ATP13A4: variants seen among roughly 807,000 people sequenced by gnomAD.
ATP13A4 encodes probable cation-transporting ATPase 13A4.
A neutral mutation model predicts 142.5 loss-of-function variants in ATP13A4; 114 were observed. The ratio of observed to expected loss-of-function variants is 0.80; its 90% CI spans 0.69 to 0.93. The LOEUF (loss-of-function observed/expected upper bound fraction) is 0.93. Among genes scored for constraint, ATP13A4 ranks in the 40% least tolerant of loss-of-function variants. The probability of loss-of-function intolerance (pLI) is 0.00; values close to 1 mark genes in which losing one functional copy is unlikely to be tolerated. For missense variants in ATP13A4, 1,392 were observed against 1,454.0 expected, an observed-to-expected ratio of 0.96 and a Z score of 0.69; for synonymous variants, 488 against 514.8, an observed-to-expected ratio of 0.95 and a Z score of 0.70.
rs1576924842 is a variant in ATP13A4 at position 193,400,339 on chromosome 3, C to T, written c.*2313G>A. 6.6e-6 allele frequency among the ~76,000 whole-genome samples: 1 copy of T among 152,230 alleles called. No homozygotes were observed. Among genetic ancestry groups the T allele is most frequent in the African/African-American group, 2.4e-5 (1 of 41,456 alleles). On this transcript the variant is annotated 3_prime_UTR_variant, in exon 30 of 30. Transcript: ENST00000342695. ...TTCTTTTCTTCCTGTTCCCTGCCAG[C>T]CTTTGCTAGTGATAGAATCACTTAG... is the stretch of plus-strand genomic sequence containing the variant.
intron 18 of ATP13A4, among the ~76,000 whole-genome samples, chr3:193,442,916 C>T (rs1169484250): frequency 1.3e-5 from 2 of 152,046 alleles, no homozygotes; most frequent in Non-Finnish European, 2.9e-5. Flanking sequence ...TGGAGTAAAC[C>T]CACTAGGATG....
chr3:193,592,306 G>C (rs1724838076), intron 1 of ATP13A4, among the ~76,000 whole-genome samples: 2 of 152,138 alleles, frequency 1.3e-5, no homozygotes, highest in Middle Eastern at 3.2e-3. Context: ...GTGTTGGAAG[G>C]GGAAAGGAGT....
intron 25 of ATP13A4, among the ~76,000 whole-genome samples, chr3:193,426,608 C>T (rs1306819963): frequency 1.3e-5 from 2 of 151,902 alleles, no homozygotes; most frequent in African/African-American, 2.4e-5. Flanking sequence ...CAAATCCAAA[C>T]TCAGTAACCA....
chr3:193,486,606 G>C (rs1029584643), intron 7 of ATP13A4, among the ~76,000 whole-genome samples: 2 of 152,184 alleles, frequency 1.3e-5, no homozygotes, highest in Non-Finnish European at 2.9e-5. Flanking sequence ...GAGGAGAAGA[G>C]TTCTTGAGTT....
intron 1 of ATP13A4, among the ~76,000 whole-genome samples, chr3:193,519,657 T>C (rs865943247): frequency 9.8e-6 from 1 of 102,416 alleles, no homozygotes; most frequent in East Asian, 2.8e-4. Context: ...TTTTTTTTTT[T>C]AGACAGAATC....
chr3:193,479,097 T>C (rs1408369013), intron 8 of ATP13A4, among the ~76,000 whole-genome samples: 1 of 151,968 alleles, frequency 6.6e-6, no homozygotes, highest in African/African-American at 2.4e-5. Context: ...TCAGCAAAAT[T>C]GGCATAGAAG....
chr3:193,559,108 TG>T (rs1332605086), upstream of ATP13A4, among the ~76,000 whole-genome samples: 1 of 152,194 alleles, frequency 6.6e-6, no homozygotes, highest in Non-Finnish European at 1.5e-5. Flanking sequence ...TGATGATAAA[TG>T]GTAATAATGT....
At chr3:193,445,608 T>C (rs1716903571) in intron 18 of ATP13A4, among the ~76,000 whole-genome samples, 1 of 150,850 alleles carries the variant, frequency 6.6e-6, no homozygotes, top group Non-Finnish European at 1.5e-5. Flanking sequence ...AATACAAAAA[T>C]TAGCTGGGCG....
chr3:193,470,434 T>A (rs1718549676), intron 9 of ATP13A4, among the ~76,000 whole-genome samples: 1 of 152,208 alleles, frequency 6.6e-6, no homozygotes, highest in South Asian at 2.1e-4. Flanking sequence ...AGAATTTGGA[T>A]GACCCCTGTG....
chr3:193,417,144 G>A lies in ATP13A4; in HGVS notation c.2843-2394C>T, dbSNP rs530619242. 7.9e-5 allele frequency: 12 copies of A among 152,204 alleles called. No homozygotes were observed. The South Asian group carries it at 1.5e-3, about 18-fold the overall frequency. The allele number at this position is 152,204 out of a possible 1,614,324, so 9.4% of individuals were successfully genotyped here. On this transcript the variant is annotated intron_variant, in intron 25 of 29. Coordinates refer to ENST00000342695, the MANE Select transcript of ATP13A4 (RefSeq NM_032279.4). ...CCTGGCAAAACTGTCCTTCAAAATC[G>A]AGGGAGAAATTAAGACATCCCAGAT...
At chr3:193,566,479 A>G (rs916060487) in intron 2 of ATP13A4, among the ~76,000 whole-genome samples, 1 of 152,124 alleles carries the variant, frequency 6.6e-6, no homozygotes, top group African/African-American at 2.4e-5. Context: ...GCAGCCCGGA[A>G]CCTTCTTTGC....
At chr3:193,591,222 A>G (rs1724761385) in intron 1 of ATP13A4, among the ~76,000 whole-genome samples, 1 of 152,150 alleles carries the variant, frequency 6.6e-6, no homozygotes, top group Admixed American at 6.5e-5. Context: ...TTTAGTAGAG[A>G]CAGGGTTTCA....
intron 1 of ATP13A4, among the ~76,000 whole-genome samples, chr3:193,530,958 C>T (rs546460742): frequency 6.6e-6 from 1 of 152,254 alleles, no homozygotes; most frequent in South Asian, 2.1e-4. Context: ...TGCCAAGGTA[C>T]ATTCAGTTCC....
At chr3:193,439,421 A>C (rs1473186121) in intron 21 of ATP13A4, among the ~76,000 whole-genome samples, 2 of 152,192 alleles carry the variant, frequency 1.3e-5, no homozygotes, top group Non-Finnish European at 2.9e-5. Context: ...GGTCATCTTA[A>C]CATTTTCACT....
intron 2 of ATP13A4, among the ~76,000 whole-genome samples, chr3:193,506,407 G>A (rs760459355): frequency 2.6e-5 from 4 of 152,110 alleles, no homozygotes; most frequent in Non-Finnish European, 5.9e-5. Flanking sequence ...TAAAAAAATA[G>A]GTTTTACAAA....
Position 193,402,715 on chromosome 3 carries a change from C to T in ATP13A4, c.3528G>A (p.Pro1176=), listed in dbSNP as rs767327044. The T allele has an allele frequency of 1.4e-4, 208 of 1,457,962 alleles. 1 individual carries two copies. The highest frequency in any genetic ancestry group is 1.4e-3 in the South Asian group (120 of 87,918). The allele number at this position is 1,457,962 out of a possible 1,614,324, so 90.3% of individuals were successfully genotyped here. ...TGTAAGACACTCCTCTGCCACACTCCGGCATGTCAGAGTGGGAGGTTTGGT... is the reference window on the plus strand; with the variant it reads ...TGTAAGACACTCCTCTGCCACACTCTGGCATGTCAGAGTGGGAGGTTTGGT... ...PLNQTSHSDM[P]ECGRGVSYSN... Residue 1176 remains proline (P), a synonymous_variant, in exon 30 of 30, where the codon CCG becomes CCA. Transcript: ENST00000342695.
At chr3:193,490,375 A>C (rs562476213) in intron 6 of ATP13A4, among the ~76,000 whole-genome samples, 1 of 152,170 alleles carries the variant, frequency 6.6e-6, no homozygotes, top group Non-Finnish European at 1.5e-5. Flanking sequence ...AAGTTAAAAT[A>C]CTTTCTAGTC....
Position 193,402,807 on chromosome 3 carries a change from G to A in ATP13A4, c.3436C>T (p.Gln1146Ter). The change falls in exon 30 of 30, where the codon CAG becomes TAG. Residue 1146 changes from glutamine to a stop codon, truncating the protein, a stop_gained. Transcript: ENST00000342695. LOFTEE classifies it high-confidence loss of function. ...WMMIKRCFGY[Q>*]SKSQYRIWQR... ...CATATCCGATACTGGCTTTTTGACT[G>A]ATAGCCGAAACATCTTTTAATCATC... is the stretch of plus-strand genomic sequence containing the variant. The A allele has an allele frequency of 1.9e-6, 3 of 1,614,142 alleles. No homozygotes were observed. The African/African-American group carries it at 4.0e-5, about 22-fold the overall frequency.
rs1719933121 is a variant in ATP13A4, at chr3:193,491,368, A to T, written c.564T>A (p.Asp188Glu). The change falls in exon 6 of 30, where the codon GAT (aspartate) becomes GAA (glutamate). Residue 188 changes from aspartate (D) to glutamate (E), a missense_variant. Transcript: ENST00000342695. ...GTTTCCAAATTGGTGTAACTTCAAC[A>T]TCGATAGTATTAGGCCCACATATTA... ...RRLICGPNTIDVEVTPIWKLL... is the reference protein window; with the variant it reads ...RRLICGPNTIEVEVTPIWKLL... 6.2e-7 allele frequency: 1 copy of T among 1,600,788 alleles called. No individual in the cohort carries two copies. Among genetic ancestry groups the T allele is most frequent in the African/African-American group, 1.3e-5 (1 of 74,576 alleles).
Sources: gnomAD v4.1 joint callset for allele counts (sites outside exome capture counted in the v4.1 genomes callset) on GRCh38, gnomAD v4.1.1 for gene constraint, MANE v1.5 for transcripts, NCBI Gene and HGNC (gene_info 2026-07-23, HGNC 2026-07-21) for gene names.